Variants in PCDHGA5 observed in about 807,000 individuals in gnomAD.
PCDHGA5 encodes protocadherin gamma subfamily A, 5, also known as protocadherin gamma-A5.
PCDHGA5 carries 36 observed loss-of-function variants against 56.7 expected under a neutral mutation model. The observed-to-expected ratio is 0.64, with a 90% CI of 0.49 to 0.84. The LOEUF (loss-of-function observed/expected upper bound fraction) is 0.84. Ranked by LOEUF, PCDHGA5 falls within the 40% of genes least tolerant of loss-of-function variation. The probability of loss-of-function intolerance (pLI) is 0.00; values close to 1 mark genes in which losing one functional copy is unlikely to be tolerated. For missense variants in PCDHGA5, 1,305 were observed against 1,201.5 expected, an observed-to-expected ratio of 1.09 and a Z score of -1.27; for synonymous variants, 563 against 520.2, an observed-to-expected ratio of 1.08 and a Z score of -1.12.
At chr5:141,404,241 C>T (rs960579159) in intron 1 of PCDHGA5, 9 of 1,613,576 alleles carry the variant, frequency 5.6e-6, no homozygotes, top group African/African-American at 4.0e-5. Context: ...AGAGGAACTC[C>T]GCCCCTGTCC....
intron 1 of PCDHGA5, chr5:141,402,800 C>T: frequency 1.9e-6 from 2 of 1,072,726 alleles, no homozygotes; most frequent in African/African-American, 1.6e-5. Flanking sequence ...ACACAAAACC[C>T]GGCAGATACC....
At chr5:141,452,781 A>G (rs575869415) in intron 1 of PCDHGA5, among the ~76,000 whole-genome samples, 10 of 152,302 alleles carry the variant, frequency 6.6e-5, no homozygotes, top group African/African-American at 2.4e-4. Flanking sequence ...CTGAGAAAGT[A>G]ACATACCATC....
chr5:141,394,433 G>A lies in PCDHGA5; in HGVS notation c.2421+27682G>A, dbSNP rs1180818373. ...TAACAGCCAGCGACAGCGGGGACCC[G>A]CCCCTCAGCAGCAACATGTCACTGA... On this transcript the variant is annotated intron_variant, in intron 1 of 3. Coordinates refer to ENST00000518069, the MANE Select transcript of PCDHGA5 (RefSeq NM_018918.3). 3.7e-6 allele frequency: 6 copies of A among 1,614,088 alleles called. No homozygotes were observed. The East Asian group carries it at 8.9e-5, about 24-fold the overall frequency.
rs1245270195 is a variant in PCDHGA5, at chr5:141,365,394, C to A, written c.1064C>A (p.Ser355Ter). The A allele has an allele frequency of 1.2e-6, 2 of 1,613,822 alleles. No individual in the cohort carries two copies. Among genetic ancestry groups the A allele is most frequent in the Admixed American group, 1.7e-5 (1 of 59,992 alleles). Residue 355 changes from serine to a stop codon, truncating the protein, a stop_gained, in exon 1 of 4, where the codon TCG becomes TAG. Transcript: ENST00000518069. LOFTEE classifies it high-confidence loss of function. ...GTGATCCTCACCTCTCTGACCAGTT[C>A]GATCTCTGAAGACTGTCTTCCCGGA... ...PEVILTSLTSSISEDCLPGTV... is the reference protein window; with the variant it reads ...PEVILTSLTS
At position 141,371,310 on chromosome 5, in the gene PCDHGA5, G is replaced by C. The variant is rs371403587; in HGVS notation, c.2421+4559G>C. ...AACGGGGGAACTCACCACTATTGGA[G>C]AACTGGACTTTGAAGAGAGAGATAG... On this transcript the variant is annotated intron_variant, in intron 1 of 3. Coordinates refer to ENST00000518069, the MANE Select transcript of PCDHGA5 (RefSeq NM_018918.3). 3.1e-6 allele frequency: 5 copies of C among 1,613,874 alleles called. No individual in the cohort carries two copies. Among genetic ancestry groups the C allele is most frequent in the Non-Finnish European group, 4.2e-6 (5 of 1,179,886 alleles).
At chr5:141,465,144 T>A (rs965605798) in intron 1 of PCDHGA5, among the ~76,000 whole-genome samples, 4 of 152,008 alleles carry the variant, frequency 2.6e-5, no homozygotes, top group Admixed American at 6.6e-5. Flanking sequence ...TTAGGGGATA[T>A]ATGAAGGGAC....
chr5:141,422,922 C>T (rs1244444241), intron 1 of PCDHGA5: 1 of 1,614,130 alleles, frequency 6.2e-7, no homozygotes, highest in Non-Finnish European at 8.5e-7. Flanking sequence ...AGATCCTGTA[C>T]CCTGCCCTCC....
intron 1 of PCDHGA5, chr5:141,409,179 G>T (rs761754962): frequency 1.2e-5 from 20 of 1,613,988 alleles, no homozygotes; most frequent in Non-Finnish European, 1.6e-5. Context: ...GACGGAGGTG[G>T]TCTCTCTACC....
At chr5:141,417,680 A>G (rs1236124418) in intron 1 of PCDHGA5, 21 of 1,016,072 alleles carry the variant, frequency 2.1e-5, no homozygotes, top group Non-Finnish European at 2.9e-5. Context: ...AGCCAACAAC[A>G]GAAAAGAAAA....
At chr5:141,375,435 C>A in intron 1 of PCDHGA5, 1 of 1,614,002 alleles carries the variant, frequency 6.2e-7, no homozygotes, top group East Asian at 2.2e-5. Context: ...AACCCGCCCA[C>A]CTTCCCCCAT....
In PCDHGA5 at chr5:141,487,192, C is replaced by T. The variant is rs2099641028; in HGVS notation, c.2422-7615C>T. ...TAGAGGAAGACACTCATCCAGTTGT[C>T]CCAGATCTTCGAGAATCTTCAGCTC... On this transcript the variant is annotated intron_variant, in intron 1 of 3. Transcript: ENST00000518069. This position sits in a 1 kb window ranked among gnomAD's most constrained non-coding sequence, Gnocchi z 5.0. 15 of 1,613,748 alleles carry T rather than the reference C, an allele frequency of 9.3e-6. No individual in the cohort carries two copies. Among genetic ancestry groups the T allele is most frequent in the African/African-American group, 1.3e-5 (1 of 75,040 alleles).
intron 1 of PCDHGA5, chr5:141,376,177 C>A (rs1772377034): frequency 6.2e-7 from 1 of 1,614,004 alleles, no homozygotes; most frequent in Non-Finnish European, 8.5e-7. Context: ...TGGCGGTGGC[C>A]GCGGTCTCCT....
In PCDHGA5 at chr5:141,487,265, G is replaced by A; in HGVS notation, c.2422-7542G>A. 2 of 1,614,158 alleles carry A rather than the reference G, an allele frequency of 1.2e-6. 1 individual carries two copies. Among genetic ancestry groups the A allele is most frequent in the South Asian group, 2.2e-5 (2 of 91,084 alleles). On this transcript the variant is annotated intron_variant, in intron 1 of 3. Transcript: ENST00000518069. The surrounding 1 kb of genome is among the most constrained non-coding windows in gnomAD (Gnocchi z 5.0). Reference sequence around the variant, plus strand: ...AACCCTCTACTTGGCTGTGTCCCTAGTGGCAATTTGCTTTGTCTCCTTTGG... The same window carrying A: ...AACCCTCTACTTGGCTGTGTCCCTAATGGCAATTTGCTTTGTCTCCTTTGG...
chr5:141,480,453 A>G (rs1033797238), intron 1 of PCDHGA5, among the ~76,000 whole-genome samples: 1 of 152,182 alleles, frequency 6.6e-6, no homozygotes, highest in African/African-American at 2.4e-5. Context: ...AATTATTTTT[A>G]TTAGTTCCTC....
intron 1 of PCDHGA5, among the ~76,000 whole-genome samples, chr5:141,437,026 A>G (rs1398960659): frequency 6.6e-6 from 1 of 152,258 alleles, no homozygotes; most frequent in Non-Finnish European, 1.5e-5. Context: ...TCACCAGAAA[A>G]TGGATCACCG....
Position 141,414,991 on chromosome 5 carries a change from G to A in PCDHGA5, c.2421+48240G>A, listed in dbSNP as rs1162432290. ...GGTGGACAGAGACTCCGGCCAGAAC[G>A]CCTGGCTGTCCTACCGTCTGCTCAA... On this transcript the variant is annotated intron_variant, in intron 1 of 3. Transcript: ENST00000518069. 10 of 1,613,648 alleles carry A rather than the reference G, an allele frequency of 6.2e-6. No homozygotes were observed. The Admixed American group carries it at 1.2e-4, about 19-fold the overall frequency.
intron 1 of PCDHGA5, among the ~76,000 whole-genome samples, chr5:141,464,397 C>T (rs1352852782): frequency 1.3e-5 from 2 of 150,158 alleles, no homozygotes; most frequent in Non-Finnish European, 3.0e-5. Context: ...TAATGAAGAA[C>T]CTGAGATATA....
rs2099697598 is a variant in PCDHGA5 at position 141,490,236 on chromosome 5, C to T, written c.2422-4571C>T. On this transcript the variant is annotated intron_variant, in intron 1 of 3. Coordinates refer to ENST00000518069, the MANE Select transcript of PCDHGA5 (RefSeq NM_018918.3). This position sits in a 1 kb window ranked among gnomAD's most constrained non-coding sequence, Gnocchi z 5.4. ...ACCAGGGACAGCCTGCCATGGAGGG[C>T]CACTGTGTGATTCAAGTGGATGTGG... is the stretch of plus-strand genomic sequence containing the variant. 1 of 1,614,078 alleles carries T rather than the reference C, an allele frequency of 6.2e-7. No homozygotes were observed. The highest frequency in any genetic ancestry group is 1.1e-5 in the South Asian group (1 of 91,088).
chr5:141,413,645 C>T, intron 1 of PCDHGA5: 9 of 1,613,834 alleles, frequency 5.6e-6, no homozygotes, highest in Non-Finnish European at 7.6e-6. Context: ...ATGCGTTTTC[C>T]TCTCCCGGAA....
Sources: gnomAD v4.1 joint callset for allele counts (sites outside exome capture counted in the v4.1 genomes callset) on GRCh38, gnomAD v4.1.1 for gene constraint, Gnocchi (gnomAD v3.1) non-coding constraint, MANE v1.5 for transcripts, NCBI Gene and HGNC (gene_info 2026-07-23, HGNC 2026-07-21) for gene names.